ADGRB3: variants seen among roughly 807,000 people sequenced by gnomAD.
The protein encoded by ADGRB3 is adhesion G protein-coupled receptor B3, also known as brain-specific angiogenesis inhibitor 3.
Under a neutral mutation model 193.4 loss-of-function variants are expected in ADGRB3, and 37 were observed. The observed-to-expected ratio is 0.19, with a 90% CI of 0.15 to 0.25. The LOEUF (loss-of-function observed/expected upper bound fraction) is 0.25, where lower values mean the gene tolerates loss of function less well. Ranked by LOEUF, ADGRB3 falls within the 10% of genes least tolerant of loss-of-function variation. The pLI, the probability that ADGRB3 is intolerant of heterozygous loss-of-function variation, is 1.00. For synonymous variants in ADGRB3, 690 were observed against 644.2 expected (o/e 1.07, Z -1.08); for missense variants, 1,637 against 1,852.9 (o/e 0.88, Z 2.14).
At chr6:69,265,972 G>T (rs909004372) in intron 20 of ADGRB3, among the ~76,000 whole-genome samples, 2 of 152,056 alleles carry the variant, frequency 1.3e-5, no homozygotes, top group East Asian at 3.9e-4. Flanking sequence ...TTACAGAAAA[G>T]ATTCAAATCA....
At chr6:68,659,403 AAATT>A (rs1295752887) in intron 3 of ADGRB3, among the ~76,000 whole-genome samples, 1 of 150,894 alleles carries the variant, frequency 6.6e-6, no homozygotes, top group Non-Finnish European at 1.5e-5. Flanking sequence ...AAATATAACA[AAATT>A]AATTATCTGT....
intron 26 of ADGRB3, among the ~76,000 whole-genome samples, chr6:69,344,773 G>A (rs1356626948): frequency 6.6e-6 from 1 of 152,074 alleles, no homozygotes; most frequent in African/African-American, 2.4e-5. Flanking sequence ...GGAAGGAGGA[G>A]ATGATAAAAG....
intron 19 of ADGRB3, among the ~76,000 whole-genome samples, chr6:69,238,069 C>T (rs938112153): frequency 3.9e-5 from 6 of 151,984 alleles, no homozygotes; most frequent in African/African-American, 7.2e-5. Flanking sequence ...CGTGGGGGTT[C>T]TACCTTGATT....
At chr6:69,091,731 C>T (rs985689054) in intron 17 of ADGRB3, among the ~76,000 whole-genome samples, 1 of 151,888 alleles carries the variant, frequency 6.6e-6, no homozygotes, top group Admixed American at 6.6e-5. Context: ...ACAAGAAACC[C>T]CCATGATACA....
At chr6:69,384,041 G>A (rs1031626320) in intron 31 of ADGRB3, among the ~76,000 whole-genome samples, 4 of 151,986 alleles carry the variant, frequency 2.6e-5, no homozygotes, top group Non-Finnish European at 4.4e-5. Context: ...AAGAGCTGAA[G>A]AGTATCTTTT....
intron 26 of ADGRB3, among the ~76,000 whole-genome samples, chr6:69,343,534 G>T (rs551727749): frequency 4.0e-4 from 61 of 151,884 alleles, no homozygotes; most frequent in Non-Finnish European, 7.1e-4. Flanking sequence ...ACTCTGTCCT[G>T]CCAAATCAAT....
intron 17 of ADGRB3, among the ~76,000 whole-genome samples, chr6:69,152,424 T>C (rs1582502154): frequency 6.6e-6 from 1 of 152,242 alleles, no homozygotes; most frequent in East Asian, 1.9e-4. Context: ...TCTCCTATTA[T>C]GTAAATCTGT....
intron 3 of ADGRB3, among the ~76,000 whole-genome samples, chr6:68,715,425 C>T (rs900348426): frequency 1.3e-5 from 2 of 151,598 alleles, no homozygotes; most frequent in Non-Finnish European, 3.0e-5. Flanking sequence ...CAATAATACT[C>T]TTCACTCAGC....
chr6:68,745,057 A>G (rs1766057250), intron 3 of ADGRB3, among the ~76,000 whole-genome samples: 1 of 152,062 alleles, frequency 6.6e-6, no homozygotes, highest in African/African-American at 2.4e-5. Context: ...TACACTATCT[A>G]AAAATCACTA....
chr6:69,266,369 G>C (rs7752099), intron 20 of ADGRB3, among the ~76,000 whole-genome samples: 61,515 of 151,620 alleles, frequency 0.41, 13,407 homozygotes, highest in African/African-American at 0.52. Flanking sequence ...CACTTTGCCA[G>C]AGTTAGGGAA....
At chr6:68,865,786 C>T (rs1001541125) in intron 3 of ADGRB3, among the ~76,000 whole-genome samples, 12 of 152,166 alleles carry the variant, frequency 7.9e-5, no homozygotes, top group Admixed American at 2.6e-4. Context: ...TGTCTCTCTG[C>T]AATTCCCTTT....
rs1043832046 is a variant in ADGRB3, at chr6:69,252,815, A to C, written c.2814+13589A>C. On this transcript the variant is annotated intron_variant, in intron 20 of 31. Transcript: ENST00000370598. ...GAAGTTCAGTGTATCATTTAAAAAA[A>C]TAGTTTGTGTTTATGACTCCACCAT... 2.0e-5 allele frequency among the ~76,000 whole-genome samples: 3 copies of C among 152,070 alleles called. No homozygotes were observed. In the South Asian group the frequency reaches 6.2e-4, roughly 31 times the overall value.
At chr6:68,705,676 G>A (rs1050006376) in intron 3 of ADGRB3, among the ~76,000 whole-genome samples, 10 of 152,176 alleles carry the variant, frequency 6.6e-5, no homozygotes, top group African/African-American at 1.4e-4. Flanking sequence ...TCTGAGATAC[G>A]GAAACATTCA....
At chr6:68,949,806 G>A (rs751390001) in intron 6 of ADGRB3, among the ~76,000 whole-genome samples, 4 of 152,044 alleles carry the variant, frequency 2.6e-5, no homozygotes, top group Non-Finnish European at 4.4e-5. Context: ...TAGCTTAAAA[G>A]ATTTTTAAAT....
intron 8 of ADGRB3, 143 bp from the exon 9 acceptor site, chr6:68,974,620 G>A (rs921430585): frequency 3.1e-5 from 19 of 604,298 alleles, no homozygotes; most frequent in Non-Finnish European, 5.1e-5. Flanking sequence ...GGGCAACAGA[G>A]TGAGACCCCA....
At chr6:68,895,723 T>G (rs1199451849) in intron 3 of ADGRB3, among the ~76,000 whole-genome samples, 1 of 151,990 alleles carries the variant, frequency 6.6e-6, no homozygotes, top group Non-Finnish European at 1.5e-5. Context: ...TACAGAATGT[T>G]AAGACTTATA....
intron 3 of ADGRB3, among the ~76,000 whole-genome samples, chr6:68,926,722 T>A (rs1031254843): frequency 1.3e-5 from 2 of 152,154 alleles, no homozygotes; most frequent in Admixed American, 1.3e-4. Flanking sequence ...AAAATACACA[T>A]GGTAAAATAA....
chr6:69,352,139 C>A (rs998951342), intron 26 of ADGRB3, among the ~76,000 whole-genome samples: 1 of 152,110 alleles, frequency 6.6e-6, no homozygotes, highest in African/African-American at 2.4e-5. Context: ...TTCCCCAAAT[C>A]AAGTGTCTGC....
chr6:68,673,611 T>C (rs542050098), intron 3 of ADGRB3, among the ~76,000 whole-genome samples: 5 of 152,244 alleles, frequency 3.3e-5, no homozygotes, highest in Admixed American at 6.5e-5. Flanking sequence ...TAACATGTTA[T>C]TGGAAACCTA....
Sources: allele counts gnomAD v4.1 joint callset (sites outside exome capture counted in the v4.1 genomes callset), GRCh38; gene constraint gnomAD v4.1.1; transcripts MANE v1.5; gene names NCBI Gene and HGNC (gene_info 2026-07-23, HGNC 2026-07-21).